OCA2: variants seen among roughly 807,000 people sequenced by gnomAD.
OCA2 encodes the protein P protein.
Under a neutral mutation model 100.2 loss-of-function variants are expected in OCA2, and 77 were observed. The observed-to-expected ratio is 0.77, with a 90% CI of 0.64 to 0.93. The LOEUF (loss-of-function observed/expected upper bound fraction) is 0.93. Among genes scored for constraint, OCA2 ranks in the 40% least tolerant of loss-of-function variants. OCA2 has a pLI of 0.00. For missense variants in OCA2, 1,062 were observed against 1,089.1 expected (o/e 0.98, Z 0.35); for synonymous variants, 432 against 439.2 (o/e 0.98, Z 0.21).
rs559163616 is a variant in OCA2, at chr15:28,017,617, T to C, written c.807+780A>G. Among the ~76,000 whole-genome samples, 10 of 152,320 alleles carry C rather than the reference T, an allele frequency of 6.6e-5. No homozygotes were observed. In the East Asian group the frequency reaches 1.7e-3, roughly 26 times the overall value. On this transcript the variant is annotated intron_variant, in intron 7 of 23. Coordinates refer to ENST00000354638, the MANE Select transcript of OCA2 (RefSeq NM_000275.3). ...CAGGACACTGCATGCTAGTTCATAA[T>C]GAGACCTTTGCTCTGTGGACCATGC...
intron 19 of OCA2, among the ~76,000 whole-genome samples, chr15:27,922,705 GTGTGTGTGTGTGTGT>G (rs1421561572): frequency 3.3e-5 from 5 of 151,206 alleles, no homozygotes; most frequent in African/African-American, 1.2e-4. Context: ...GTGTGTGTGT[GTGTGTGTGTGTGTGT>G]GTTTCTGTGT....
At chr15:27,834,598 G>A (rs191418590) in intron 23 of OCA2, among the ~76,000 whole-genome samples, 4 of 152,322 alleles carry the variant, frequency 2.6e-5, no homozygotes, top group Admixed American at 2.6e-4. Context: ...GCACTGATGA[G>A]GGATGGAGCC....
intron 19 of OCA2, among the ~76,000 whole-genome samples, chr15:27,924,874 C>T (rs1456095511): frequency 6.6e-6 from 1 of 152,028 alleles, no homozygotes; most frequent in Non-Finnish European, 1.5e-5. Context: ...TAGAAATTGT[C>T]AGGCTAGATT....
In OCA2 at chr15:27,801,056, C is replaced by CAACCAA. The variant is rs1404370594; in HGVS notation, c.2432+43902_2432+43903insTTGGTT. Among the ~76,000 whole-genome samples, 3 of 152,210 alleles carry CAACCAA rather than the reference C, an allele frequency of 2.0e-5. No individual in the cohort carries two copies. In the East Asian group the frequency reaches 5.8e-4, roughly 29 times the overall value. On this transcript the variant is annotated intron_variant, in intron 23 of 23. Transcript: ENST00000354638. ...GGTTTGACTGGTGAATTGTACCAAA[C>CAACCAA]ATATAAGGTTGAAATTATAGTAATT...
At chr15:27,837,162 A>G (rs1160087755) in intron 23 of OCA2, among the ~76,000 whole-genome samples, 5 of 152,250 alleles carry the variant, frequency 3.3e-5, no homozygotes, top group African/African-American at 9.6e-5. Flanking sequence ...TAACATTAGC[A>G]TAATCTCTAG....
At chr15:27,739,946 AGGTACAG>A in the OCA2 span, among the ~76,000 whole-genome samples, 2 of 152,164 alleles carry the variant, frequency 1.3e-5, no homozygotes, top group Non-Finnish European at 2.9e-5. Context: ...AGGGGTGCAG[AGGTACAG>A]GTGAGATTTG....
chr15:27,872,069 TC>T lies in OCA2; in HGVS notation c.2080-148del, dbSNP rs2036601844. The stretch of plus-strand genomic sequence containing the variant: ...TAAAAGATCAGACTCAAATACACAG[TC>T]TATAAATAATTTACTATCATATATG... On this transcript the variant is annotated intron_variant, in intron 19 of 23. Transcript: ENST00000354638. 8.9e-6 allele frequency: 6 copies of T among 672,950 alleles called. No individual in the cohort carries two copies. The East Asian group carries it at 1.6e-4, about 18-fold the overall frequency. The allele number at this position is 672,950 out of a possible 1,614,324, so 41.7% of individuals were successfully genotyped here. A position where few individuals can be genotyped will look rare whatever the true frequency, so the allele number is the denominator to read the frequency against.
At chr15:27,729,289 A>ATTTT in the OCA2 span, among the ~76,000 whole-genome samples, 8 of 111,212 alleles carry the variant, frequency 7.2e-5, no homozygotes, top group East Asian at 8.1e-4. Context: ...ATTATCATCT[A>ATTTT]TTTTTTTTTT....
At chr15:27,984,646 C>T (rs1253893552) in intron 13 of OCA2, among the ~76,000 whole-genome samples, 2 of 152,156 alleles carry the variant, frequency 1.3e-5, no homozygotes, top group South Asian at 2.1e-4. Flanking sequence ...CTGCAACCTC[C>T]GCCTCCCGGG....
chr15:27,881,289 A>C (rs1186268538), intron 19 of OCA2, among the ~76,000 whole-genome samples: 2 of 151,900 alleles, frequency 1.3e-5, no homozygotes, highest in East Asian at 1.9e-4. Flanking sequence ...TTTTTGCATC[A>C]GTTTTCATCA....
chr15:27,750,920 C>T (rs1472900804), downstream of OCA2, among the ~76,000 whole-genome samples: 1 of 152,162 alleles, frequency 6.6e-6, no homozygotes, highest in African/African-American at 2.4e-5. Flanking sequence ...GGATGAATGA[C>T]ACAAGCTGCT....
rs770217869 is a variant in OCA2 at position 28,018,387 on chromosome 15, T to A, written c.807+10A>T. On this transcript the variant is annotated intron_variant, in intron 7 of 23. Transcript: ENST00000354638. ...TTCACAATTCCTTTCAAATAAATTATCAGCATAACCTGCTGTGGCCGCCGC... is the reference window on the plus strand; with the variant it reads ...TTCACAATTCCTTTCAAATAAATTAACAGCATAACCTGCTGTGGCCGCCGC... 1.4e-5 allele frequency: 22 copies of A among 1,613,430 alleles called. No individual in the cohort carries two copies. The highest frequency in any genetic ancestry group is 5.0e-5 in the Admixed American group (3 of 60,010).
intron 23 of OCA2, among the ~76,000 whole-genome samples, chr15:27,785,377 T>G (rs951703385): frequency 5.3e-5 from 8 of 152,164 alleles, no homozygotes; most frequent in African/African-American, 1.4e-4. Flanking sequence ...AGCCCAAATA[T>G]TCATCAATAT....
intron 18 of OCA2, among the ~76,000 whole-genome samples, chr15:27,951,322 C>T (rs1037002374): frequency 2.0e-5 from 3 of 152,212 alleles, no homozygotes; most frequent in African/African-American, 4.8e-5. Context: ...CACCCTCAGA[C>T]AAGGCAAGTG....
chr15:28,094,098 A>C lies in OCA2; in HGVS notation c.-22+5126T>G, dbSNP rs560691252. On this transcript the variant is annotated intron_variant, in intron 1 of 23. Transcript: ENST00000354638. ...TCATCGCCTCTCATGCAGATGATGG[A>C]GCACTCCAATCCCACAGCCTGTCCC... Among the ~76,000 whole-genome samples the C allele has an allele frequency of 2.0e-5, 3 of 152,246 alleles. No individual in the cohort carries two copies. In the East Asian group the frequency reaches 5.8e-4, roughly 30 times the overall value.
chr15:27,726,507 C>T, the OCA2 span, among the ~76,000 whole-genome samples: 1 of 152,120 alleles, frequency 6.6e-6, no homozygotes, highest in Non-Finnish European at 1.5e-5. Context: ...TGTAATGGAA[C>T]CACAATGCTT....
Position 28,000,414 on chromosome 15 carries a change from A to G in OCA2, c.1045-9767T>C, listed in dbSNP as rs149366789. The stretch of plus-strand genomic sequence containing the variant: ...ATTGGGAAGCTGGATAACCACATAC[A>G]AAAGAATGAAAGTGGACCCTATCCT... On this transcript the variant is annotated intron_variant, in intron 9 of 23. Transcript: ENST00000354638. Among the ~76,000 whole-genome samples, 778 of 152,290 alleles carry G rather than the reference A, an allele frequency of 5.1e-3. 13 individuals carry two copies. The highest frequency in any genetic ancestry group is 0.018 in the African/African-American group (729 of 41,558).
chr15:27,884,312 T>A (rs896304663), intron 19 of OCA2, among the ~76,000 whole-genome samples: 4 of 152,114 alleles, frequency 2.6e-5, no homozygotes, highest in Non-Finnish European at 4.4e-5. Context: ...GGAGTAGAGG[T>A]TGCAGTGAAC....
intron 2 of OCA2, among the ~76,000 whole-genome samples, chr15:28,049,825 G>T (rs2043455256): frequency 6.6e-6 from 1 of 152,172 alleles, no homozygotes; most frequent in African/African-American, 2.4e-5. Context: ...GAGAGTTATT[G>T]CTTAATGAGC....
Sources: allele counts gnomAD v4.1 joint callset (sites outside exome capture counted in the v4.1 genomes callset), GRCh38; gene constraint gnomAD v4.1.1; transcripts MANE v1.5; gene names NCBI Gene and HGNC (gene_info 2026-07-23, HGNC 2026-07-21).